Variants in FARP1 observed in about 807,000 individuals in gnomAD.
The protein encoded by FARP1 is FERM, ARH/RhoGEF and pleckstrin domain protein 1.
A neutral mutation model predicts 128.8 loss-of-function variants in FARP1; 52 were observed. That is an observed-to-expected ratio of 0.40 (90% CI 0.32 to 0.51). The LOEUF (loss-of-function observed/expected upper bound fraction) is 0.51. FARP1 is among the 20% of genes least tolerant of loss of function. FARP1 has a pLI of 0.45. For synonymous variants in FARP1, 580 were observed against 551.8 expected, an observed-to-expected ratio of 1.05 and a Z score of -0.72; for missense variants, 1,333 against 1,367.9, an observed-to-expected ratio of 0.97 and a Z score of 0.40.
At chr13:98,240,344 C>T (rs1252429681) in intron 2 of FARP1, among the ~76,000 whole-genome samples, 10 of 152,006 alleles carry the variant, frequency 6.6e-5, no homozygotes, top group Admixed American at 5.2e-4. Context: ...GTCTTGCCTG[C>T]GTGGTGATGG....
chr13:98,177,110 G>A, intron 1 of FARP1: 1 of 1,601,462 alleles, frequency 6.2e-7, no homozygotes, highest in African/African-American at 1.3e-5. Context: ...CTCTCTCCGT[G>A]CTCGGGGTCG....
chr13:98,265,559 T>TCCG (rs1313508363), intron 2 of FARP1, among the ~76,000 whole-genome samples: 1 of 151,562 alleles, frequency 6.6e-6, no homozygotes, highest in Non-Finnish European at 1.5e-5. Context: ...GACCTCGTGA[T>TCCG]CCGCCCGCCT....
At chr13:98,440,878 G>C in intron 24 of FARP1, 42 bp downstream of exon 24, 1 of 1,545,052 alleles carries the variant, frequency 6.5e-7, no homozygotes, top group African/African-American at 1.4e-5. Context: ...GCTTGTGCTG[G>C]CCCAGGCAGA....
At chr13:98,392,055 A>G (rs1890323911) in intron 11 of FARP1, among the ~76,000 whole-genome samples, 2 of 152,098 alleles carry the variant, frequency 1.3e-5, no homozygotes, top group South Asian at 4.2e-4. Flanking sequence ...TTTTATTTGC[A>G]GCTCTCGTTA....
At chr13:98,181,661 A>AGAGAGAGAGAGAGAGAGT (rs138526104) in intron 1 of FARP1, among the ~76,000 whole-genome samples, 4 of 148,658 alleles carry the variant, frequency 2.7e-5, no homozygotes, top group South Asian at 4.3e-4. Flanking sequence ...AGAGAGAGAG[A>AGAGAGAGAGAGAGAGAGT]GTCTCACTGT....
At chr13:98,364,016 A>T (rs1271706005) in intron 3 of FARP1, among the ~76,000 whole-genome samples, 6 of 152,214 alleles carry the variant, frequency 3.9e-5, no homozygotes, top group Admixed American at 2.0e-4. Context: ...CTGGGATTAG[A>T]GGTGTCAGCC....
intron 11 of FARP1, among the ~76,000 whole-genome samples, 175 bp from the exon 12 acceptor site, chr13:98,393,468 T>A (rs1890390167): frequency 6.6e-6 from 1 of 152,236 alleles, no homozygotes; most frequent in Non-Finnish European, 1.5e-5. Flanking sequence ...GCAAGTGCTA[T>A]CAAAGGATGA....
chr13:98,416,393 G>T (rs191614253), intron 16 of FARP1, among the ~76,000 whole-genome samples: 97 of 152,294 alleles, frequency 6.4e-4, no homozygotes, highest in Non-Finnish European at 1.3e-3. Context: ...AAATTACAGG[G>T]CAGAGAAAGT....
intron 2 of FARP1, among the ~76,000 whole-genome samples, chr13:98,228,394 A>G (rs1016903439): frequency 2.0e-5 from 3 of 152,106 alleles, no homozygotes; most frequent in Non-Finnish European, 4.4e-5. Flanking sequence ...AATGGCTAAA[A>G]TGGTAAACCC....
At chr13:98,346,965 A>G (rs1205086790) in intron 3 of FARP1, among the ~76,000 whole-genome samples, 1 of 152,230 alleles carries the variant, frequency 6.6e-6, no homozygotes, top group African/African-American at 2.4e-5. Context: ...TGCAAATGCA[A>G]TGAAAGTTCC....
chr13:98,298,884 A>C (rs1284992113), intron 2 of FARP1, among the ~76,000 whole-genome samples: 1 of 152,168 alleles, frequency 6.6e-6, no homozygotes, highest in Non-Finnish European at 1.5e-5. Context: ...GGCTTTAGGA[A>C]TGTATTTGGT....
intron 11 of FARP1, among the ~76,000 whole-genome samples, chr13:98,392,887 A>G (rs929536742): frequency 2.0e-5 from 3 of 151,428 alleles, no homozygotes; most frequent in African/African-American, 4.9e-5. Context: ...AATGGTTAGT[A>G]TTTGAAAACC....
chr13:98,303,951 C>T (rs946509481), intron 2 of FARP1, among the ~76,000 whole-genome samples: 1 of 152,236 alleles, frequency 6.6e-6, no homozygotes, highest in African/African-American at 2.4e-5. Context: ...TCAGAGTTCA[C>T]TCGTTACTTG....
At chr13:98,350,912 C>T (rs921610037) in intron 3 of FARP1, among the ~76,000 whole-genome samples, 7 of 152,110 alleles carry the variant, frequency 4.6e-5, no homozygotes, top group African/African-American at 1.7e-4. Flanking sequence ...GGCCAGGTAC[C>T]CACAACCAGA....
rs753282142 is a variant in FARP1 at position 98,377,896 on chromosome 13, C to G, written c.474C>G (p.Leu158=). The change falls in exon 6 of 27, where the codon CTC becomes CTG. Residue 158 remains leucine (L), a synonymous_variant. Coordinates refer to ENST00000319562, the MANE Select transcript of FARP1 (RefSeq NM_005766.4). ...RLTCNDTSAA[L]LISHIVQSEI... Reference sequence around the variant, plus strand: ...CGTGTAATGACACCAGCGCAGCTCTCTTGATTTCACACATTGTGCAATGTA... The same window carrying G: ...CGTGTAATGACACCAGCGCAGCTCTGTTGATTTCACACATTGTGCAATGTA... 1 of 1,612,844 alleles carries G rather than the reference C, an allele frequency of 6.2e-7. No homozygotes were observed. The highest frequency in any genetic ancestry group is 1.3e-5 in the African/African-American group (1 of 74,902).
At chr13:98,195,299 G>C (rs1462452239) in intron 1 of FARP1, among the ~76,000 whole-genome samples, 1 of 152,058 alleles carries the variant, frequency 6.6e-6, no homozygotes, top group African/African-American at 2.4e-5. Context: ...GTTGCTCCTC[G>C]ATCTGCCTAT....
At chr13:98,157,013 C>T (rs1031430167) in intron 1 of FARP1, among the ~76,000 whole-genome samples, 7 of 152,266 alleles carry the variant, frequency 4.6e-5, no homozygotes, top group East Asian at 1.9e-4. Context: ...GCAGGAAGGA[C>T]GCTGAGAGAC....
intron 2 of FARP1, among the ~76,000 whole-genome samples, chr13:98,297,657 G>T (rs75534317): frequency 0.045 from 6,812 of 152,218 alleles, 211 homozygotes; most frequent in Middle Eastern, 0.12. Flanking sequence ...CATTTGGGTG[G>T]GGACGTTATG....
At chr13:98,158,343 A>T (rs1876636423) in intron 1 of FARP1, among the ~76,000 whole-genome samples, 1 of 152,246 alleles carries the variant, frequency 6.6e-6, no homozygotes, top group Non-Finnish European at 1.5e-5. Context: ...CAGAACATGC[A>T]TTGCAAATCT....
Sources: allele counts gnomAD v4.1 joint callset (sites outside exome capture counted in the v4.1 genomes callset), GRCh38; gene constraint gnomAD v4.1.1; transcripts MANE v1.5; gene names NCBI Gene and HGNC (gene_info 2026-07-23, HGNC 2026-07-21).